Variants in EIF2B1 observed in about 807,000 individuals in gnomAD.
EIF2B1 encodes the protein translation initiation factor eIF2B subunit alpha.
EIF2B1 carries 30 observed loss-of-function variants against 36.8 expected under a neutral mutation model. The observed-to-expected ratio is 0.81, with a 90% CI of 0.61 to 1.10. The LOEUF (loss-of-function observed/expected upper bound fraction) is 1.10. Among genes scored for constraint, EIF2B1 ranks in the 50% least tolerant of loss-of-function variants. The pLI is 0.00. For synonymous variants in EIF2B1, 139 were observed against 142.2 expected (o/e 0.98, Z 0.16); for missense variants, 271 against 374.8 (o/e 0.72, Z 2.29).
intron 7 of EIF2B1, 66 bp downstream of exon 7, chr12:123,624,721 G>C: frequency 1.5e-6 from 2 of 1,316,244 alleles, no homozygotes; most frequent in Non-Finnish European, 2.2e-6. Flanking sequence ...CACTGCTGTG[G>C]TGTCCTAGGT....
intron 6 of EIF2B1, 68 bp downstream of exon 6, chr12:123,626,357 C>G: frequency 2.5e-6 from 4 of 1,600,200 alleles, no homozygotes; most frequent in African/African-American, 2.7e-5. Flanking sequence ...AACTTTCAAT[C>G]TGAAAACTTG....
intron 6 of EIF2B1, 93 bp downstream of exon 6, chr12:123,626,327 GGCTTT>G (rs1341666751): frequency 2.8e-6 from 4 of 1,443,694 alleles, no homozygotes; most frequent in Admixed American, 3.5e-5. Context: ...TACCTGGTGT[GGCTTT>G]ATGAACGGGA....
At chr12:123,627,961 T>C (rs1387691150) in intron 4 of EIF2B1, among the ~76,000 whole-genome samples, 2 of 152,254 alleles carry the variant, frequency 1.3e-5, no homozygotes, top group African/African-American at 4.8e-5. Context: ...TTTGAAATGA[T>C]GGCTAACTAA....
In EIF2B1 at chr12:123,624,848, T is replaced by C. The variant is rs773238668; in HGVS notation, c.566A>G (p.Lys189Arg). ...LDAAVGYIMEKADLVIVGAEG... is the reference protein window; with the variant it reads ...LDAAVGYIMERADLVIVGAEG... ...AGCACCAACTATGACAAGATCTGCT[T>C]TCTCCATGATGTAGCTAAGGGGAAA... The change falls in exon 7 of 9, where the codon AAA becomes AGA. Residue 189 changes from lysine (K) to arginine (R), a missense_variant. By Grantham distance (26) the Lys-to-Arg change is conservative (BLOSUM62 2). Coordinates refer to ENST00000424014, the MANE Select transcript of EIF2B1 (RefSeq NM_001414.4). 1.4e-5 allele frequency: 22 copies of C among 1,614,070 alleles called. 1 individual carries two copies. The South Asian group carries it at 2.4e-4, about 18-fold the overall frequency.
chr12:123,632,236 C>T, intron 2 of EIF2B1, 109 bp downstream of exon 2: 2 of 810,994 alleles, frequency 2.5e-6, no homozygotes, highest in Non-Finnish European at 2.0e-6. Context: ...CCACTGCACT[C>T]CAGCCTGGGT....
intron 6 of EIF2B1, 143 bp from the exon 7 acceptor site, chr12:123,625,005 G>T (rs565127176): frequency 9.7e-6 from 7 of 718,662 alleles, no homozygotes; most frequent in African/African-American, 7.0e-5. Context: ...CTTAACACGC[G>T]ATAGACCCCT....
chr12:123,626,954 A>C, intron 5 of EIF2B1, 90 bp downstream of exon 5: 1 of 1,177,504 alleles, frequency 8.5e-7, no homozygotes, highest in South Asian at 1.2e-5. Flanking sequence ...AGCTGGGGGC[A>C]CATTCTGGTT....
chr12:123,624,521 A>G (rs1028765810), intron 7 of EIF2B1, among the ~76,000 whole-genome samples: 2 of 152,100 alleles, frequency 1.3e-5, no homozygotes, highest in African/African-American at 4.8e-5. Flanking sequence ...TGGCCTCTCA[A>G]ATTGCTAGGA....
rs528597288 is a variant in EIF2B1 at position 123,624,877 on chromosome 12, A to G, written c.552-15T>C. The G allele has an allele frequency of 1.5e-5, 24 of 1,611,752 alleles. No individual in the cohort carries two copies. The South Asian group carries it at 2.2e-4, about 15-fold the overall frequency. ...CCATGATGTAGCTAAGGGGAAAAAA[A>G]GCTTTTCATGCTTTATTTTCTTGGC... On this transcript the variant is annotated splice_polypyrimidine_tract_variant and intron_variant, in intron 6 of 8. Transcript: ENST00000424014.
At chr12:123,624,967 C>T (rs1955137339) in intron 6 of EIF2B1, 105 bp from the exon 7 acceptor site, 1 of 1,051,052 alleles carries the variant, frequency 9.5e-7, no homozygotes. Flanking sequence ...AAGTTCCTCC[C>T]ATAACTACCT....
At chr12:123,627,239 C>T (rs1281612143) in intron 4 of EIF2B1, 83 bp from the exon 5 acceptor site, 1 of 1,010,516 alleles carries the variant, frequency 9.9e-7, no homozygotes. Flanking sequence ...GTGTTCCCGA[C>T]ACCCTAAGCA....
intron 1 of EIF2B1, 96 bp downstream of exon 1, chr12:123,633,449 G>GAA (rs1250819118): frequency 2.7e-5 from 42 of 1,566,858 alleles, no homozygotes; most frequent in Non-Finnish European, 3.4e-5. Context: ...AAATTCAAAA[G>GAA]AAATCTCTTC....
intron 1 of EIF2B1, among the ~76,000 whole-genome samples, chr12:123,633,119 CAT>C (rs1304477001): frequency 1.3e-5 from 2 of 150,816 alleles, no homozygotes; most frequent in African/African-American, 4.9e-5. Flanking sequence ...TATGCTAATA[CAT>C]GTCTATTCAC....
chr12:123,630,160 T>A lies in EIF2B1; in HGVS notation c.369+9A>T. 6.2e-7 allele frequency: 1 copy of A among 1,611,966 alleles called. No individual in the cohort carries two copies. Among genetic ancestry groups the A allele is most frequent in the Non-Finnish European group, 8.5e-7 (1 of 1,178,404 alleles). ...CTCCTCCTTACCACCATGATGATTA[T>A]CCACTCACCGCTCCATCTTTGATGA... On this transcript the variant is annotated intron_variant, in intron 4 of 8. Transcript: ENST00000424014. This position sits in a 1 kb window ranked among gnomAD's most constrained non-coding sequence, Gnocchi z 4.6.
intron 4 of EIF2B1, among the ~76,000 whole-genome samples, chr12:123,628,226 A>T (rs1230600950): frequency 6.7e-6 from 1 of 150,076 alleles, no homozygotes; most frequent in East Asian, 2.0e-4. Flanking sequence ...TAGCTAATTT[A>T]TTTTATTTTT....
intron 4 of EIF2B1, among the ~76,000 whole-genome samples, chr12:123,629,167 G>A (rs1384992392): frequency 6.6e-6 from 1 of 152,152 alleles, no homozygotes; most frequent in African/African-American, 2.4e-5. Flanking sequence ...GAGTCAAAAT[G>A]CAAGTAAATG....
Position 123,621,969 on chromosome 12 carries a change from A to C in EIF2B1, c.754-49T>G, listed in dbSNP as rs757561511. The C allele has an allele frequency of 6.8e-6, 11 of 1,606,228 alleles. No homozygotes were observed. The Admixed American group carries it at 1.9e-4, about 27-fold the overall frequency. ...TCGGCACTGAATATTTAGTGCTCTG[A>C]CCTGGTAGGGCCTTGGTGTGAGTGA... On this transcript the variant is annotated intron_variant, in intron 8 of 8. Transcript: ENST00000424014.
chr12:123,624,089 T>C (rs750831943), intron 7 of EIF2B1, among the ~76,000 whole-genome samples: 6 of 148,800 alleles, frequency 4.0e-5, no homozygotes, highest in African/African-American at 1.5e-4. Context: ...TATACATACA[T>C]ACTTTATATG....
At position 123,622,715 on chromosome 12, in the gene EIF2B1, G is replaced by A; in HGVS notation, c.674C>T (p.Pro225Leu). ...MAVCAKAQNK[P>L]FYVVAESFKF... ...GAAACTTTCTGCAACCACATAGAAAGGTTTGTTCTGTGCTTTGGCACACAC... is the reference window on the plus strand; with the variant it reads ...GAAACTTTCTGCAACCACATAGAAAAGTTTGTTCTGTGCTTTGGCACACAC... The change falls in exon 8 of 9, where the codon CCT becomes CTT. Residue 225 changes from proline to leucine, a missense_variant. By Grantham distance (98) the Pro-to-Leu change is moderately conservative. Transcript: ENST00000424014. 1 of 1,614,196 alleles carries A rather than the reference G, an allele frequency of 6.2e-7. No individual in the cohort carries two copies. The highest frequency in any genetic ancestry group is 8.5e-7 in the Non-Finnish European group (1 of 1,180,004).
Sources: allele counts gnomAD v4.1 joint callset (sites outside exome capture counted in the v4.1 genomes callset), GRCh38; gene constraint gnomAD v4.1.1; non-coding constraint Gnocchi (gnomAD v3.1); transcripts MANE v1.5; gene names NCBI Gene and HGNC (gene_info 2026-07-23, HGNC 2026-07-21).